VKORC1L1: variants seen among roughly 807,000 people sequenced by gnomAD.
VKORC1L1 encodes vitamin K epoxide reductase complex subunit 1-like protein 1.
In VKORC1L1, 2 loss-of-function variants were observed where a neutral mutation model predicts 18.9. That is an observed-to-expected ratio of 0.11 (90% CI 0.04 to 0.33). The LOEUF (loss-of-function observed/expected upper bound fraction) is 0.33, where lower values mean the gene tolerates loss of function less well. Among genes scored for constraint, VKORC1L1 ranks in the 10% least tolerant of loss-of-function variants. The pLI is 1.00. For synonymous variants in VKORC1L1, 96 were observed against 100.0 expected, an observed-to-expected ratio of 0.96 and a Z score of 0.24; for missense variants, 123 against 224.1, an observed-to-expected ratio of 0.55 and a Z score of 2.88.
rs563504515 is a variant in VKORC1L1 at position 65,956,437 on chromosome 7, C to A, written c.*2137C>A. On this transcript the variant is annotated 3_prime_UTR_variant, in exon 3 of 3. Transcript: ENST00000360768. ...AGCTTGTCTTGATGTTGCATTCTTG[C>A]AAATGTCTTCAACTCTTACCTGAGA... is the stretch of plus-strand genomic sequence containing the variant. The A allele has an allele frequency of 1.3e-5, 2 of 152,352 alleles. No homozygotes were observed. The highest frequency in any genetic ancestry group is 4.1e-4 in the South Asian group (2 of 4,830). 9.4% of individuals were successfully genotyped at this position (152,352 alleles called of 1,614,324 possible). A position where few individuals can be genotyped will look rare whatever the true frequency, so the allele number is the denominator to read the frequency against.
intron 1 of VKORC1L1, among the ~76,000 whole-genome samples, chr7:65,922,456 G>C (rs1478573314): frequency 1.3e-5 from 2 of 151,990 alleles, no homozygotes; most frequent in Admixed American, 1.3e-4. Context: ...GCTAATTTTT[G>C]TATTTTTACT....
chr7:65,914,250 T>C (rs1053517333), intron 1 of VKORC1L1, among the ~76,000 whole-genome samples: 1 of 152,138 alleles, frequency 6.6e-6, no homozygotes, highest in African/African-American at 2.4e-5. Flanking sequence ...TGCACCATCA[T>C]ACCACCATGC....
chr7:65,940,076 A>G (rs993948869), intron 1 of VKORC1L1, among the ~76,000 whole-genome samples: 11 of 151,836 alleles, frequency 7.2e-5, no homozygotes, highest in African/African-American at 2.7e-4. Context: ...CCAGGCCGGA[A>G]TGGAGCGATG....
At chr7:65,916,360 C>CA (rs1789589394) in intron 1 of VKORC1L1, among the ~76,000 whole-genome samples, 1 of 152,034 alleles carries the variant, frequency 6.6e-6, no homozygotes, top group African/African-American at 2.4e-5. Flanking sequence ...TTCTTATTGA[C>CA]ACCCAGACTT....
intron 1 of VKORC1L1, among the ~76,000 whole-genome samples, chr7:65,874,974 G>T (rs1281551823): frequency 1.3e-5 from 2 of 152,126 alleles, no homozygotes; most frequent in African/African-American, 2.4e-5. Flanking sequence ...GTACATGTAA[G>T]ACTAAAGGTA....
At chr7:65,935,977 T>C (rs1316619224) in intron 1 of VKORC1L1, among the ~76,000 whole-genome samples, 1 of 152,108 alleles carries the variant, frequency 6.6e-6, no homozygotes, top group African/African-American at 2.4e-5. Flanking sequence ...CTCTATTCTT[T>C]TTTTTTTAAC....
intron 1 of VKORC1L1, among the ~76,000 whole-genome samples, chr7:65,937,307 A>G (rs1023338217): frequency 2.6e-5 from 4 of 152,150 alleles, no homozygotes; most frequent in African/African-American, 7.2e-5. Flanking sequence ...GTGTTGTCCA[A>G]TTTTTAATTG....
At chr7:65,930,552 C>T (rs1789841130) in intron 1 of VKORC1L1, among the ~76,000 whole-genome samples, 1 of 152,150 alleles carries the variant, frequency 6.6e-6, no homozygotes, top group Admixed American at 6.5e-5. Flanking sequence ...GTTTGGCTTC[C>T]TTGGTTGGTG....
At chr7:65,931,094 TC>T (rs1294774237) in intron 1 of VKORC1L1, among the ~76,000 whole-genome samples, 1 of 152,214 alleles carries the variant, frequency 6.6e-6, no homozygotes, top group African/African-American at 2.4e-5. Context: ...TGATATATTA[TC>T]CTTTCTGTAT....
chr7:65,872,299 A>C (rs1381375085), upstream of VKORC1L1, among the ~76,000 whole-genome samples: 1 of 151,956 alleles, frequency 6.6e-6, no homozygotes, highest in African/African-American at 2.4e-5. Context: ...AGCTTACGGA[A>C]AAGCAAGGCA....
intron 1 of VKORC1L1, among the ~76,000 whole-genome samples, chr7:65,881,937 G>A (rs1344335561): frequency 4.0e-5 from 6 of 151,686 alleles, no homozygotes; most frequent in Non-Finnish European, 7.4e-5. Flanking sequence ...AAAATTAGCC[G>A]GGCATGGTAG....
chr7:65,932,484 TTCTC>T (rs1462686514), intron 1 of VKORC1L1, among the ~76,000 whole-genome samples: 1 of 152,186 alleles, frequency 6.6e-6, no homozygotes, highest in African/African-American at 2.4e-5. Context: ...TGCTATAAAT[TTCTC>T]TCTCAGCACT....
intron 1 of VKORC1L1, among the ~76,000 whole-genome samples, chr7:65,900,859 A>G (rs183486007): frequency 6.6e-6 from 1 of 152,126 alleles, no homozygotes; most frequent in African/African-American, 2.4e-5. Flanking sequence ...TTAAAATGTA[A>G]TAGAAATTAT....
intron 1 of VKORC1L1, among the ~76,000 whole-genome samples, chr7:65,926,601 G>T (rs1789769500): frequency 6.6e-6 from 1 of 152,144 alleles, no homozygotes; most frequent in Non-Finnish European, 1.5e-5. Flanking sequence ...CCACTCCTGG[G>T]TATCTACCCA....
chr7:65,916,653 C>T (rs567139065), intron 1 of VKORC1L1, among the ~76,000 whole-genome samples: 1 of 151,184 alleles, frequency 6.6e-6, no homozygotes, highest in African/African-American at 2.4e-5. Context: ...GGCTGGAGTG[C>T]AATGGTGTAA....
At chr7:65,907,920 A>G (rs755776261) in intron 1 of VKORC1L1, among the ~76,000 whole-genome samples, 4 of 151,986 alleles carry the variant, frequency 2.6e-5, no homozygotes, top group Non-Finnish European at 4.4e-5. Context: ...AACAGTTTCA[A>G]TGGAGCGAAC....
upstream of VKORC1L1, among the ~76,000 whole-genome samples, chr7:65,870,444 A>C (rs1788712961): frequency 6.6e-6 from 1 of 152,112 alleles, no homozygotes; most frequent in African/African-American, 2.4e-5. Context: ...TTTAAAAATA[A>C]AAATAAAAAT....
In VKORC1L1 at chr7:65,933,077, C is replaced by CAAAA. The variant is rs59403784; in HGVS notation, c.195-15574_195-15571dup. The stretch of plus-strand genomic sequence containing the variant: ...TGGGCAACAGAATAAGACTTCGTCT[C>CAAAA]AAAAAAAAAAAAAAAAAAAAAAAGT... On this transcript the variant is annotated intron_variant, in intron 1 of 2. Transcript: ENST00000360768. Among the ~76,000 whole-genome samples, 133 of 65,280 alleles carry CAAAA rather than the reference C, an allele frequency of 2.0e-3. 1 individual carries two copies. The highest frequency in any genetic ancestry group is 3.8e-3 in the African/African-American group (65 of 17,148). 42.8% of individuals were successfully genotyped at this position (65,280 alleles called of 152,430 possible). A position where few individuals can be genotyped will look rare whatever the true frequency, so the allele number is the denominator to read the frequency against.
intron 1 of VKORC1L1, among the ~76,000 whole-genome samples, chr7:65,934,045 A>C (rs1789901377): frequency 6.6e-6 from 1 of 152,126 alleles, no homozygotes; most frequent in Admixed American, 6.6e-5. Context: ...AACAATCTTA[A>C]GTTTTTAAAC....
Sources: allele counts gnomAD v4.1 joint callset (sites outside exome capture counted in the v4.1 genomes callset), GRCh38; gene constraint gnomAD v4.1.1; transcripts MANE v1.5; gene names NCBI Gene and HGNC (gene_info 2026-07-23, HGNC 2026-07-21).